Variants in PUS10 observed in about 807,000 individuals in gnomAD.
PUS10 encodes the protein pseudouridine synthase 10, also known as tRNA pseudouridine synthase Pus10.
A neutral mutation model predicts 75.0 loss-of-function variants in PUS10; 59 were observed. That is an observed-to-expected ratio of 0.79 (90% confidence interval 0.64 to 0.98). PUS10 has a LOEUF of 0.98. Ranked by LOEUF, PUS10 falls within the 50% of genes least tolerant of loss-of-function variation. The pLI is 0.00. For missense variants in PUS10, 650 were observed against 614.4 expected (o/e 1.06, Z -0.61); for synonymous variants, 219 against 211.6 (o/e 1.03, Z -0.30).
chr2:60,985,160 T>C (rs1398845292), intron 4 of PUS10, among the ~76,000 whole-genome samples: 1 of 152,206 alleles, frequency 6.6e-6, no homozygotes, highest in Non-Finnish European at 1.5e-5. Flanking sequence ...ATGAATTATA[T>C]CTCAATTTAT....
chr2:60,996,371 C>T (rs1221358335), intron 4 of PUS10, among the ~76,000 whole-genome samples: 2 of 152,132 alleles, frequency 1.3e-5, no homozygotes, highest in African/African-American at 4.8e-5. Flanking sequence ...AGTAGTGTAT[C>T]ACGTAACAGA....
chr2:60,951,268 C>G (rs1419155897), intron 15 of PUS10, among the ~76,000 whole-genome samples: 2 of 152,024 alleles, frequency 1.3e-5, no homozygotes, highest in East Asian at 1.9e-4. Flanking sequence ...CTTTTTGGCA[C>G]CAGGGACCAG....
intron 3 of PUS10, among the ~76,000 whole-genome samples, chr2:61,008,299 G>A (rs1428071447): frequency 2.0e-5 from 3 of 152,236 alleles, no homozygotes; most frequent in African/African-American, 4.8e-5. Context: ...CAAGGCAGGC[G>A]AATCATCTGA....
In PUS10 at chr2:61,008,985, C is replaced by T. The variant is rs778618048; in HGVS notation, c.157G>A (p.Glu53Lys). 1.2e-6 allele frequency: 2 copies of T among 1,611,916 alleles called. No individual in the cohort carries two copies. Among genetic ancestry groups the T allele is most frequent in the Non-Finnish European group, 1.7e-6 (2 of 1,179,352 alleles). Residue 53 changes from glutamate (E) to lysine (K), a missense_variant, in exon 3 of 18, where the codon GAA (glutamate) becomes AAA (lysine). Glu to Lys is a moderately conservative substitution (Grantham distance 56). Coordinates refer to ENST00000316752, the MANE Select transcript of PUS10 (RefSeq NM_144709.4). ...AAAATTAATTCATCTTTTTCAGTTT[C>T]CAGAAATTTCTGTAGTTCATTGAGC... is the stretch of plus-strand genomic sequence containing the variant. The part of the protein sequence containing the change: ...ELLNELQKFL[E>K]TEKDELILEV...
At chr2:61,002,420 A>G (rs1407705883) in intron 4 of PUS10, among the ~76,000 whole-genome samples, 1 of 152,184 alleles carries the variant, frequency 6.6e-6, no homozygotes, top group Non-Finnish European at 1.5e-5. Flanking sequence ...ATTATACAGT[A>G]TACTTCTACT....
chr2:60,946,019 C>T (rs1245164489), intron 16 of PUS10, among the ~76,000 whole-genome samples: 1 of 152,158 alleles, frequency 6.6e-6, no homozygotes, highest in Non-Finnish European at 1.5e-5. Context: ...GAACGTTTTA[C>T]TCACTCTACC....
At position 60,955,010 on chromosome 2, in the gene PUS10, A is replaced by G; in HGVS notation, c.1057+8T>C. The stretch of plus-strand genomic sequence containing the variant: ...AGTTCTAATCAGGTGATGCTGTTGC[A>G]GTCTTACCATTTCCTAATGTTCTCA... On this transcript the variant is annotated splice_region_variant and intron_variant, in intron 12 of 17. Transcript: ENST00000316752. 10 of 1,549,314 alleles carry G rather than the reference A, an allele frequency of 6.5e-6. No individual in the cohort carries two copies. Among genetic ancestry groups the G allele is most frequent in the Non-Finnish European group, 8.8e-6 (10 of 1,133,926 alleles).
chr2:60,983,279 T>A (rs1573461076), intron 4 of PUS10, among the ~76,000 whole-genome samples: 1 of 152,246 alleles, frequency 6.6e-6, no homozygotes, highest in South Asian at 2.1e-4. Context: ...ATTATTAGTT[T>A]ACTTGACTAC....
chr2:60,960,767 T>G (rs1171193347), intron 10 of PUS10, among the ~76,000 whole-genome samples: 1 of 151,716 alleles, frequency 6.6e-6, no homozygotes, highest in African/African-American at 2.4e-5. Flanking sequence ...TCAAATGAGT[T>G]TGAAAGGAAT....
chr2:60,949,627 T>A (rs1276132046), intron 15 of PUS10, among the ~76,000 whole-genome samples: 1 of 152,172 alleles, frequency 6.6e-6, no homozygotes, highest in Non-Finnish European at 1.5e-5. Context: ...TTGAAATGAC[T>A]TTTTCTCAGA....
chr2:61,004,183 T>C (rs541429155), intron 4 of PUS10, among the ~76,000 whole-genome samples: 1 of 152,310 alleles, frequency 6.6e-6, no homozygotes, highest in East Asian at 1.9e-4. Flanking sequence ...TTAATTTATA[T>C]TCAAAATGCA....
At chr2:60,953,713 T>C (rs1301750781) in intron 14 of PUS10, among the ~76,000 whole-genome samples, 2 of 152,238 alleles carry the variant, frequency 1.3e-5, no homozygotes, top group East Asian at 3.8e-4. Flanking sequence ...GTGGTTAAGA[T>C]TTGCATTTCC....
chr2:60,943,471 TAA>T lies in PUS10; in HGVS notation c.1552-1040_1552-1039del, dbSNP rs56288950. 5.5e-3 allele frequency among the ~76,000 whole-genome samples: 791 copies of T among 143,716 alleles called. 10 individuals carry two copies. Among genetic ancestry groups the T allele is most frequent in the African/African-American group, 0.017 (663 of 38,914 alleles). 94.3% of individuals were successfully genotyped at this position (143,716 alleles called of 152,430 possible). On this transcript the variant is annotated intron_variant, in intron 17 of 17. Transcript: ENST00000316752. The stretch of plus-strand genomic sequence containing the variant: ...TAGGGGATCTACTTTAAGAGAAAGT[TAA>T]AAAAAAAAAAAAACCCACCGTATCT...
chr2:61,007,848 C>G lies in PUS10; in HGVS notation c.381+913G>C, dbSNP rs547514863. ...CGCCTGTAATCCCAGCACTTTGGGCCAAGGCGGGCGGATCACGAGGTCAAG... is the reference window on the plus strand; with the variant it reads ...CGCCTGTAATCCCAGCACTTTGGGCGAAGGCGGGCGGATCACGAGGTCAAG... On this transcript the variant is annotated intron_variant, in intron 3 of 17. Coordinates refer to ENST00000316752, the MANE Select transcript of PUS10 (RefSeq NM_144709.4). Among the ~76,000 whole-genome samples, 62 of 150,136 alleles carry G rather than the reference C, an allele frequency of 4.1e-4. 1 individual carries two copies. Among genetic ancestry groups the G allele is most frequent in the African/African-American group, 1.4e-3 (57 of 40,820 alleles).
chr2:61,002,688 G>A (rs941913947), intron 4 of PUS10, among the ~76,000 whole-genome samples: 1 of 152,092 alleles, frequency 6.6e-6, no homozygotes. Flanking sequence ...TAACAAATCC[G>A]AGCCTTATAA....
In PUS10 at chr2:60,948,027, G is replaced by A. The variant is rs1452031319; in HGVS notation, c.1451+16C>T. On this transcript the variant is annotated intron_variant, in intron 16 of 17. Coordinates refer to ENST00000316752, the MANE Select transcript of PUS10 (RefSeq NM_144709.4). Reference sequence around the variant, plus strand: ...GTTCTGGTTCGATGGCGGCAGTGCAGCAGGTGGAAGGATACGTGCCAGCCT... The same window carrying A: ...GTTCTGGTTCGATGGCGGCAGTGCAACAGGTGGAAGGATACGTGCCAGCCT... 1 of 1,613,850 alleles carries A rather than the reference G, an allele frequency of 6.2e-7. No individual in the cohort carries two copies. The highest frequency in any genetic ancestry group is 1.3e-5 in the African/African-American group (1 of 74,904).
rs774786063 is a variant in PUS10 at position 60,965,120 on chromosome 2, G to C, written c.678-17C>G. 6.2e-7 allele frequency: 1 copy of C among 1,608,904 alleles called. No individual in the cohort carries two copies. The stretch of plus-strand genomic sequence containing the variant: ...ATCGCAGCTCTAAAATAAAATTCAA[G>C]TTAATATAAAAGGTTAATGAGTTTA... On this transcript the variant is annotated splice_polypyrimidine_tract_variant and intron_variant, in intron 7 of 17. Coordinates refer to ENST00000316752, the MANE Select transcript of PUS10 (RefSeq NM_144709.4).
intron 11 of PUS10, among the ~76,000 whole-genome samples, chr2:60,956,695 G>T (rs1026006445): frequency 6.6e-6 from 1 of 152,062 alleles, no homozygotes; most frequent in Admixed American, 6.5e-5. Context: ...TTCAAACCAG[G>T]CTGGGTGCGG....
intron 4 of PUS10, among the ~76,000 whole-genome samples, chr2:60,996,476 A>T (rs1336237763): frequency 6.6e-6 from 1 of 152,144 alleles, no homozygotes; most frequent in East Asian, 1.9e-4. Context: ...ACCTTTAGTG[A>T]TGTTCATGAG....
Sources: allele counts gnomAD v4.1 joint callset (sites outside exome capture counted in the v4.1 genomes callset), GRCh38; gene constraint gnomAD v4.1.1; transcripts MANE v1.5; gene names NCBI Gene and HGNC (gene_info 2026-07-23, HGNC 2026-07-21).